COP1: variants seen among roughly 807,000 people sequenced by gnomAD.
COP1 encodes the protein COP1 E3 ubiquitin ligase.
A neutral mutation model predicts 101.3 loss-of-function variants in COP1; 24 were observed. The ratio of observed to expected loss-of-function variants is 0.24; its 90% CI spans 0.17 to 0.33. COP1 has a LOEUF of 0.33. Among genes scored for constraint, COP1 ranks in the 10% least tolerant of loss-of-function variants. The probability of loss-of-function intolerance (pLI) is 1.00; values close to 1 mark genes in which losing one functional copy is unlikely to be tolerated. For missense variants in COP1, 663 were observed against 906.2 expected, an observed-to-expected ratio of 0.73 and a Z score of 3.45; for synonymous variants, 347 against 341.9, an observed-to-expected ratio of 1.01 and a Z score of -0.17.
chr1:176,147,294 C>T (rs866773724), intron 6 of COP1, among the ~76,000 whole-genome samples: 1 of 152,112 alleles, frequency 6.6e-6, no homozygotes, highest in African/African-American at 2.4e-5. Flanking sequence ...TAGACTAAAG[C>T]TTATTATAAT....
At chr1:176,007,957 G>A (rs1663762891) in intron 15 of COP1, among the ~76,000 whole-genome samples, 1 of 152,146 alleles carries the variant, frequency 6.6e-6, no homozygotes, top group Non-Finnish European at 1.5e-5. Context: ...CTGCCGCCTT[G>A]CAGTTTGATC....
At chr1:176,099,724 C>G (rs1232918977) in intron 9 of COP1, among the ~76,000 whole-genome samples, 1 of 152,198 alleles carries the variant, frequency 6.6e-6, no homozygotes, top group African/African-American at 2.4e-5. Context: ...GCTCGACTTG[C>G]AGAGCCAATA....
chr1:175,982,246 G>A, intron 18 of COP1: 1 of 389,068 alleles, frequency 2.6e-6, no homozygotes, highest in Non-Finnish European at 5.2e-6. Context: ...TTTATTCATT[G>A]CATTATTCAC....
intron 14 of COP1, among the ~76,000 whole-genome samples, chr1:176,042,347 T>A (rs1028416390): frequency 6.7e-6 from 1 of 148,860 alleles, no homozygotes; most frequent in South Asian, 2.1e-4. Context: ...GGCAGATCAC[T>A]TGAGGTCAGT....
At chr1:176,155,713 A>G (rs1262400066) in intron 5 of COP1, among the ~76,000 whole-genome samples, 1 of 152,232 alleles carries the variant, frequency 6.6e-6, no homozygotes, top group East Asian at 1.9e-4. Context: ...TAGGAATAAC[A>G]TAGTCAAATT....
rs1210269020 is a variant in COP1, at chr1:176,032,964, A to G, written c.1613-5276T>C. 3.9e-5 allele frequency among the ~76,000 whole-genome samples: 6 copies of G among 152,184 alleles called. No individual in the cohort carries two copies. In the East Asian group the frequency reaches 5.8e-4, roughly 15 times the overall value. On this transcript the variant is annotated intron_variant, in intron 14 of 19. Transcript: ENST00000367669. ...ATTGCCTCTAAAGTTATAAATTATA[A>G]TAACTGTTATCATAATGCTATTTAT...
chr1:176,188,860 G>A (rs372975968), intron 1 of COP1, among the ~76,000 whole-genome samples: 2 of 123,984 alleles, frequency 1.6e-5, no homozygotes, highest in Admixed American at 8.3e-5. Context: ...CACACACACA[G>A]ACAGAGAACA....
At chr1:176,009,217 G>A (rs1190116524) in intron 15 of COP1, among the ~76,000 whole-genome samples, 1 of 152,164 alleles carries the variant, frequency 6.6e-6, no homozygotes, top group Non-Finnish European at 1.5e-5. Context: ...TGACACAGCT[G>A]TGATACTGCA....
At chr1:176,077,140 C>T (rs912741528) in intron 11 of COP1, among the ~76,000 whole-genome samples, 3 of 152,094 alleles carry the variant, frequency 2.0e-5, no homozygotes, top group African/African-American at 7.2e-5. Context: ...CAGCATCATC[C>T]TGATACCAAA....
At position 176,061,130 on chromosome 1, in the gene COP1, G is replaced by C. The variant is rs530724511; in HGVS notation, c.1278-14806C>G. 2.0e-5 allele frequency among the ~76,000 whole-genome samples: 3 copies of C among 152,014 alleles called. No individual in the cohort carries two copies. In the South Asian group the frequency reaches 6.2e-4, roughly 32 times the overall value. On this transcript the variant is annotated intron_variant, in intron 11 of 19. Transcript: ENST00000367669. The stretch of plus-strand genomic sequence containing the variant: ...AGGAGACATACAGATCAATACAACA[G>C]AACAGACAGTTAAGTAGACTCACAT...
Position 175,945,143 on chromosome 1 carries a change from AG to A in COP1, c.*9del. ...GCAGGATCAAGTACAATTTGACTTGAGTTAACCCTTCATACCAATTCTAGCA... is the reference window on the plus strand; with the variant it reads ...GCAGGATCAAGTACAATTTGACTTGATTAACCCTTCATACCAATTCTAGCA... On this transcript the variant is annotated 3_prime_UTR_variant, in exon 20 of 20. Transcript: ENST00000367669. 6.3e-7 allele frequency: 1 copy of A among 1,575,800 alleles called. No homozygotes were observed.
chr1:176,053,976 A>G (rs1673008284), intron 11 of COP1, among the ~76,000 whole-genome samples: 1 of 152,062 alleles, frequency 6.6e-6, no homozygotes, highest in Non-Finnish European at 1.5e-5. Context: ...ACATGCAACC[A>G]TGTTCTCTGG....
chr1:176,181,395 A>G (rs926633304), intron 2 of COP1, among the ~76,000 whole-genome samples: 6 of 149,336 alleles, frequency 4.0e-5, no homozygotes, highest in Admixed American at 1.4e-4. Context: ...GAAAGAGTAA[A>G]TAATTATAAA....
intron 10 of COP1, among the ~76,000 whole-genome samples, chr1:176,085,078 A>G (rs971952463): frequency 3.9e-5 from 6 of 152,198 alleles, no homozygotes; most frequent in Admixed American, 2.6e-4. Flanking sequence ...ACTTTTTTAC[A>G]GTAATAAAAA....
intron 5 of COP1, among the ~76,000 whole-genome samples, chr1:176,150,907 G>C (rs1012807537): frequency 2.0e-5 from 3 of 152,036 alleles, no homozygotes; most frequent in Non-Finnish European, 4.4e-5. Context: ...CAAGAAAAGA[G>C]ATGAATGGCA....
At chr1:176,071,569 G>A (rs892011710) in intron 11 of COP1, among the ~76,000 whole-genome samples, 6 of 152,046 alleles carry the variant, frequency 3.9e-5, no homozygotes, top group African/African-American at 1.4e-4. Context: ...ACAAATATAC[G>A]TGAATATATA....
Position 175,990,418 on chromosome 1 carries a change from G to T in COP1, c.1730-939C>A, listed in dbSNP as rs150836658. On this transcript the variant is annotated intron_variant, in intron 15 of 19. Transcript: ENST00000367669. Reference sequence around the variant, plus strand: ...TTAGTCTTAAATATGGTGTCCCCTGGAGACTGTTACTAACACTTGCTTGAG... The same window carrying T: ...TTAGTCTTAAATATGGTGTCCCCTGTAGACTGTTACTAACACTTGCTTGAG... 1.3e-3 allele frequency among the ~76,000 whole-genome samples: 198 copies of T among 152,148 alleles called. 6 individuals carry two copies. In the East Asian group the frequency reaches 0.014, roughly 11 times the overall value.
chr1:176,169,362 TAAC>T (rs539527609), intron 3 of COP1, among the ~76,000 whole-genome samples: 13 of 152,258 alleles, frequency 8.5e-5, no homozygotes, highest in African/African-American at 3.1e-4. Context: ...ACTAATTAAA[TAAC>T]AACATAGGAA....
intron 15 of COP1, among the ~76,000 whole-genome samples, chr1:176,005,753 A>AG (rs749004577): frequency 0.024 from 3,664 of 150,376 alleles, 66 homozygotes; most frequent in Non-Finnish European, 0.036. Flanking sequence ...ACATTTGCTG[A>AG]GAGCTTTACT....
Sources: allele counts gnomAD v4.1 joint callset (sites outside exome capture counted in the v4.1 genomes callset), GRCh38; gene constraint gnomAD v4.1.1; transcripts MANE v1.5; gene names NCBI Gene and HGNC (gene_info 2026-07-23, HGNC 2026-07-21).